ANKS1B: variants seen among roughly 807,000 people sequenced by gnomAD.
The protein encoded by ANKS1B is ankyrin repeat and sterile alpha motif domain containing 1B.
Under a neutral mutation model 148.3 loss-of-function variants are expected in ANKS1B, and 36 were observed. The ratio of observed to expected loss-of-function variants is 0.24; its 90% confidence interval spans 0.19 to 0.32. The LOEUF (loss-of-function observed/expected upper bound fraction) is 0.32, where lower values mean the gene tolerates loss of function less well. ANKS1B is among the 10% of genes least tolerant of loss of function. ANKS1B has a pLI of 1.00. For missense variants in ANKS1B, 1,157 were observed against 1,542.6 expected, an observed-to-expected ratio of 0.75 and a Z score of 4.19; for synonymous variants, 542 against 560.8, an observed-to-expected ratio of 0.97 and a Z score of 0.47.
At chr12:99,457,853 A>G (rs2095872574) in intron 10 of ANKS1B, among the ~76,000 whole-genome samples, 1 of 152,140 alleles carries the variant, frequency 6.6e-6, no homozygotes, top group African/African-American at 2.4e-5. Context: ...TTCCACAGAC[A>G]GCAGTCAGGT....
intron 14 of ANKS1B, among the ~76,000 whole-genome samples, chr12:99,226,879 A>G (rs538883783): frequency 6.6e-6 from 1 of 152,314 alleles, no homozygotes; most frequent in Non-Finnish European, 1.5e-5. Context: ...TCAATCAAAA[A>G]GGTTTTTCTT....
At chr12:99,416,010 T>G (rs912522103) in intron 11 of ANKS1B, among the ~76,000 whole-genome samples, 8 of 152,072 alleles carry the variant, frequency 5.3e-5, no homozygotes, top group African/African-American at 1.9e-4. Context: ...CTACACTCAC[T>G]TCTCTCCTGC....
intron 17 of ANKS1B, among the ~76,000 whole-genome samples, chr12:98,924,492 TTTAGGAAACCA>T (rs2099805510): frequency 6.6e-6 from 1 of 152,204 alleles, no homozygotes; most frequent in Admixed American, 6.5e-5. Flanking sequence ...TGGATTTGAC[TTTAGGAAACCA>T]AAGTAGCTTC....
At chr12:99,908,740 C>T (rs1458050577) in intron 1 of ANKS1B, among the ~76,000 whole-genome samples, 1 of 152,056 alleles carries the variant, frequency 6.6e-6, no homozygotes, top group Admixed American at 6.6e-5. Context: ...CCTTTTTTAT[C>T]GTAAATACTT....
intron 8 of ANKS1B, among the ~76,000 whole-genome samples, chr12:99,672,175 T>C (rs2098541198): frequency 3.3e-5 from 5 of 152,196 alleles, no homozygotes; most frequent in South Asian, 2.1e-4. Context: ...AGCCAAGGCA[T>C]TAAACCCATG....
At chr12:99,473,411 A>T (rs187430536) in intron 10 of ANKS1B, among the ~76,000 whole-genome samples, 5,634 of 152,084 alleles carry the variant, frequency 0.037, 361 homozygotes, top group African/African-American at 0.13. Context: ...TATTGCAGTG[A>T]ATATCCGTGA....
intron 2 of ANKS1B, among the ~76,000 whole-genome samples, chr12:99,823,131 T>C (rs997519842): frequency 6.6e-6 from 1 of 152,208 alleles, no homozygotes; most frequent in South Asian, 2.1e-4. Flanking sequence ...TACTTTTTAA[T>C]GGGATTATTT....
chr12:99,669,902 G>C (rs758103550), intron 8 of ANKS1B, among the ~76,000 whole-genome samples: 2 of 152,018 alleles, frequency 1.3e-5, no homozygotes, highest in Non-Finnish European at 2.9e-5. Context: ...ATTGGATTCA[G>C]GCAAAAAGCT....
At chr12:99,666,488 G>T (rs2098507542) in intron 8 of ANKS1B, among the ~76,000 whole-genome samples, 1 of 152,072 alleles carries the variant, frequency 6.6e-6, no homozygotes, top group Non-Finnish European at 1.5e-5. Flanking sequence ...ATAGTCTTCA[G>T]TGTACAGGTC....
At chr12:99,469,488 T>C (rs2096200909) in intron 10 of ANKS1B, among the ~76,000 whole-genome samples, 1 of 152,090 alleles carries the variant, frequency 6.6e-6, no homozygotes, top group Admixed American at 6.6e-5. Flanking sequence ...TTTTACCTCA[T>C]TATGATTTCT....
chr12:99,106,936 CCTGA>C (rs1172069473), intron 15 of ANKS1B, among the ~76,000 whole-genome samples: 12 of 152,012 alleles, frequency 7.9e-5, no homozygotes, highest in Admixed American at 2.0e-4. Flanking sequence ...GTGTCTTGGT[CCTGA>C]CTATCTTGAG....
chr12:99,221,278 T>C (rs1601805928), intron 14 of ANKS1B, among the ~76,000 whole-genome samples: 1 of 152,158 alleles, frequency 6.6e-6, no homozygotes, highest in Non-Finnish European at 1.5e-5. Flanking sequence ...AGGTGGAGCT[T>C]GCAGTGAGCC....
At chr12:99,115,562 C>T (rs935407539) in intron 15 of ANKS1B, among the ~76,000 whole-genome samples, 1 of 152,018 alleles carries the variant, frequency 6.6e-6, no homozygotes. Flanking sequence ...GTACAACAAA[C>T]CCTCGTGACA....
At chr12:99,553,879 T>C (rs537819287) in intron 9 of ANKS1B, among the ~76,000 whole-genome samples, 2 of 152,180 alleles carry the variant, frequency 1.3e-5, no homozygotes, top group South Asian at 2.1e-4. Flanking sequence ...TGTCTTTACG[T>C]TAGCTTCAGT....
intron 8 of ANKS1B, among the ~76,000 whole-genome samples, chr12:99,699,353 T>G (rs2054445685): frequency 6.6e-6 from 1 of 152,162 alleles, no homozygotes; most frequent in Non-Finnish European, 1.5e-5. Flanking sequence ...CATAAATAAT[T>G]ACTTACTTAA....
chr12:98,836,385 C>T (rs1462948968), intron 17 of ANKS1B, among the ~76,000 whole-genome samples: 1 of 152,164 alleles, frequency 6.6e-6, no homozygotes, highest in Non-Finnish European at 1.5e-5. Context: ...AGGAAACCCT[C>T]ATCACCCAAG....
chr12:98,956,561 G>A lies in ANKS1B; in HGVS notation c.2778+96596C>T, dbSNP rs141197469. On this transcript the variant is annotated intron_variant, in intron 17 of 26. Transcript: ENST00000683438. ...ATTTATTATCCCCCCCATCCCCCCC[G>A]TCACTCCTATCCATTGGCCAGATTA... Among the ~76,000 whole-genome samples, 60 of 112,176 alleles carry A rather than the reference G, an allele frequency of 5.3e-4. No homozygotes were observed. The East Asian group carries it at 0.014, about 26-fold the overall frequency. 73.6% of individuals were successfully genotyped at this position (112,176 alleles called of 152,430 possible). A position where few individuals can be genotyped will look rare whatever the true frequency, so the allele number is the denominator to read the frequency against.
chr12:99,070,956 C>T (rs1000784126), intron 16 of ANKS1B, among the ~76,000 whole-genome samples: 4 of 152,304 alleles, frequency 2.6e-5, no homozygotes, highest in Non-Finnish European at 4.4e-5. Flanking sequence ...TAAGCCAACA[C>T]GCCCAGCCAC....
intron 17 of ANKS1B, among the ~76,000 whole-genome samples, chr12:98,890,618 C>A (rs1026484080): frequency 6.6e-6 from 1 of 152,326 alleles, no homozygotes; most frequent in African/African-American, 2.4e-5. Context: ...AAACATACCA[C>A]TTGTTGCAGT....
Sources: allele counts gnomAD v4.1 joint callset (sites outside exome capture counted in the v4.1 genomes callset), GRCh38; gene constraint gnomAD v4.1.1; transcripts MANE v1.5; gene names NCBI Gene and HGNC (gene_info 2026-07-23, HGNC 2026-07-21).